HINFP: variants seen among roughly 807,000 people sequenced by gnomAD.
The protein encoded by HINFP is MBD2 (methyl-CpG-binding protein)-interacting zinc finger protein.
In HINFP, 20 loss-of-function variants were observed where a neutral mutation model predicts 50.1. The ratio of observed to expected loss-of-function variants is 0.40; its 90% confidence interval spans 0.28 to 0.58. The LOEUF (loss-of-function observed/expected upper bound fraction) is 0.58, where lower values mean the gene tolerates loss of function less well. HINFP is among the 20% of genes least tolerant of loss of function. HINFP has a pLI of 0.45. For missense variants in HINFP, 505 were observed against 664.1 expected, an observed-to-expected ratio of 0.76 and a Z score of 2.63; for synonymous variants, 247 against 243.7, an observed-to-expected ratio of 1.01 and a Z score of -0.13.
At position 119,131,805 on chromosome 11, in the gene HINFP, G is replaced by T. The variant is rs1947775018; in HGVS notation, c.524-25G>T. ...AGGCAAAACTGGGGTTTTGTGGCAG[G>T]AGACTGATAGGGCTTCCTTCCCAGG... On this transcript the variant is annotated intron_variant, in intron 4 of 9. Coordinates refer to ENST00000350777, the MANE Select transcript of HINFP (RefSeq NM_198971.3). This position sits in a 1 kb window ranked among gnomAD's most constrained non-coding sequence, Gnocchi z 4.2. 6.2e-7 allele frequency: 1 copy of T among 1,612,838 alleles called. No homozygotes were observed. The highest frequency in any genetic ancestry group is 8.5e-7 in the Non-Finnish European group (1 of 1,179,546).
chr11:119,133,283 T>TTCCTC, intron 9 of HINFP, 64 bp downstream of exon 9: 1 of 1,595,726 alleles, frequency 6.3e-7, no homozygotes. Flanking sequence ...CAACCAGTTT[T>TTCCTC]AAAAACCTTA....
chr11:119,124,994 A>C (rs1947304529), intron 1 of HINFP: 2 of 151,396 alleles, frequency 1.3e-5, no homozygotes, highest in Non-Finnish European at 2.9e-5. Flanking sequence ...AAATGAAATA[A>C]AATTGAGAAC....
intron 2 of HINFP, chr11:119,130,439 A>T (rs1759310590): frequency 2.6e-6 from 1 of 390,624 alleles, no homozygotes; most frequent in African/African-American, 2.0e-5. Context: ...CACTGGTTGC[A>T]GTTTTATATT....
intron 2 of HINFP, among the ~76,000 whole-genome samples, chr11:119,129,034 GA>G (rs924514216): frequency 1.3e-4 from 19 of 147,140 alleles, no homozygotes; most frequent in South Asian, 4.3e-4. Flanking sequence ...AAAGAAAAAG[GA>G]AAAAAAAAAC....
At chr11:119,127,246 T>A (rs1947458730) in intron 2 of HINFP, 121 bp downstream of exon 2, 3 of 809,422 alleles carry the variant, frequency 3.7e-6, no homozygotes. Flanking sequence ...AATTGTGTTT[T>A]TGTTGTATAT....
chr11:119,128,525 C>T (rs1947554455), intron 2 of HINFP, among the ~76,000 whole-genome samples: 1 of 149,236 alleles, frequency 6.7e-6, no homozygotes, highest in Non-Finnish European at 1.5e-5. Flanking sequence ...AGCCAGGATG[C>T]CCCTGTTGGC....
chr11:119,121,866 G>T, intron 1 of HINFP: 1 of 152,598 alleles, frequency 6.6e-6, no homozygotes. Flanking sequence ...GACTGCGAGT[G>T]GAGAGGTTTT....
At chr11:119,122,301 T>C (rs1303637979) in intron 1 of HINFP, among the ~76,000 whole-genome samples, 1 of 152,188 alleles carries the variant, frequency 6.6e-6, no homozygotes, top group Non-Finnish European at 1.5e-5. Flanking sequence ...TATCGCCAGC[T>C]AGCTTGCCTC....
intron 1 of HINFP, chr11:119,126,487 C>T (rs1338828090): frequency 6.5e-6 from 1 of 153,016 alleles, no homozygotes; most frequent in Non-Finnish European, 1.5e-5. Context: ...GATTTATTAT[C>T]TTCATTTTGC....
chr11:119,132,836 T>C, intron 7 of HINFP, 28 bp from the exon 8 acceptor site: 1 of 1,613,974 alleles, frequency 6.2e-7, no homozygotes, highest in East Asian at 2.2e-5. Flanking sequence ...CCCCATGTCC[T>C]CCAATCCCTC....
intron 2 of HINFP, among the ~76,000 whole-genome samples, chr11:119,128,306 T>C (rs1947538644): frequency 6.6e-6 from 1 of 151,948 alleles, no homozygotes; most frequent in Non-Finnish European, 1.5e-5. Context: ...TATTGCTGGG[T>C]ACTTTATTTT....
chr11:119,131,729 A>G lies in HINFP; in HGVS notation c.523+83A>G, dbSNP rs2298480. 0.09 allele frequency: 142,674 copies of G among 1,593,752 alleles called. 9,023 individuals are homozygous for G. Among genetic ancestry groups the G allele is most frequent in the South Asian group, 0.29 (26,052 of 90,576 alleles). The stretch of plus-strand genomic sequence containing the variant: ...TGGGACAGAAAGGGATAGGGGTCCT[A>G]CAGGGGCAAGGTTGACTGCCGGCTG... On this transcript the variant is annotated intron_variant, in intron 4 of 9. Coordinates refer to ENST00000350777, the MANE Select transcript of HINFP (RefSeq NM_198971.3). The surrounding 1 kb of genome is among the most constrained non-coding windows in gnomAD (Gnocchi z 4.2).
chr11:119,125,505 A>G (rs566425290), intron 1 of HINFP: 2 of 152,274 alleles, frequency 1.3e-5, no homozygotes, highest in East Asian at 3.9e-4. Flanking sequence ...CCCTGTCACT[A>G]CAAAAACAAA....
chr11:119,130,996 G>T, intron 3 of HINFP, 42 bp downstream of exon 3: 1 of 1,511,304 alleles, frequency 6.6e-7, no homozygotes, highest in South Asian at 1.1e-5. Context: ...AGGAAGCTGG[G>T]GGTCTTAACT....
At chr11:119,123,222 A>G (rs1947187070) in intron 1 of HINFP, among the ~76,000 whole-genome samples, 1 of 151,098 alleles carries the variant, frequency 6.6e-6, no homozygotes, top group African/African-American at 2.4e-5. Flanking sequence ...AATCAGAGGA[A>G]GAGGGAATGA....
chr11:119,124,386 A>G (rs1478523347), intron 1 of HINFP: 1 of 152,132 alleles, frequency 6.6e-6, no homozygotes, highest in Non-Finnish European at 1.5e-5. Flanking sequence ...CAGAGAGAGC[A>G]ACATGGTGGG....
chr11:119,127,103 G>A lies in HINFP; in HGVS notation c.159G>A (p.Glu53=), dbSNP rs1321777990. 1.2e-6 allele frequency: 2 copies of A among 1,612,412 alleles called. No homozygotes were observed. The highest frequency in any genetic ancestry group is 1.3e-5 in the African/African-American group (1 of 74,884). The part of the protein sequence containing the change: ...HLHGSGEEEE[E]EEEDDPLEEE... ...ATGGCTCTGGGGAGGAGGAGGAAGA[G>A]GAAGAGGAGGATGACCCACTTGGTA... Residue 53 remains glutamate, a synonymous_variant, in exon 2 of 10, where the codon GAG becomes GAA. Coordinates refer to ENST00000350777, the MANE Select transcript of HINFP (RefSeq NM_198971.3).
At chr11:119,132,186 C>A in intron 5 of HINFP, 1 of 630,932 alleles carries the variant, frequency 1.6e-6, no homozygotes. Context: ...GTATCAGTTA[C>A]TTAGGGAATC....
Position 119,134,525 on chromosome 11 carries a change from C to T in HINFP, c.*27C>T. On this transcript the variant is annotated 3_prime_UTR_variant, in exon 10 of 10. Coordinates refer to ENST00000350777, the MANE Select transcript of HINFP (RefSeq NM_198971.3). This position sits in a 1 kb window ranked among gnomAD's most constrained non-coding sequence, Gnocchi z 4.3. The stretch of plus-strand genomic sequence containing the variant: ...GGCCGCAGAGCCAGACCATTTCTTC[C>T]CCAGGTCCTGAAGTTTGAGCCAGGC... The T allele has an allele frequency of 2.0e-6, 3 of 1,532,196 alleles. No individual in the cohort carries two copies. Among genetic ancestry groups the T allele is most frequent in the Non-Finnish European group, 2.6e-6 (3 of 1,136,850 alleles). The allele number at this position is 1,532,196 out of a possible 1,614,324, so 94.9% of individuals were successfully genotyped here.
Sources: allele counts gnomAD v4.1 joint callset (sites outside exome capture counted in the v4.1 genomes callset), GRCh38; gene constraint gnomAD v4.1.1; non-coding constraint Gnocchi (gnomAD v3.1); transcripts MANE v1.5; gene names NCBI Gene and HGNC (gene_info 2026-07-23, HGNC 2026-07-21).